The following PRKCA variants were observed in gnomAD, a reference collection of about 807,000 sequenced individuals.
PRKCA encodes protein kinase C alpha type.
PRKCA carries 27 observed loss-of-function variants against 87.0 expected under a neutral mutation model. The observed-to-expected ratio is 0.31, with a 90% CI of 0.23 to 0.43. PRKCA has a LOEUF of 0.43. PRKCA is among the 20% of genes least tolerant of loss of function. The pLI is 1.00. For synonymous variants in PRKCA, 329 were observed against 311.1 expected (o/e 1.06, Z -0.61); for missense variants, 518 against 852.3 (o/e 0.61, Z 4.88).
Position 66,676,207 on chromosome 17 carries a change from G to A in PRKCA, c.530-10904G>A, listed in dbSNP as rs952470870. Among the ~76,000 whole-genome samples the A allele has an allele frequency of 4.6e-5, 7 of 152,186 alleles. No homozygotes were observed. In the East Asian group the frequency reaches 7.7e-4, roughly 17 times the overall value. Reference sequence around the variant, plus strand: ...GACGCAAACAAACCCTGAGAACAGCGTGTTCTTCCCAGTAACGTGACCGGG... The same window carrying A: ...GACGCAAACAAACCCTGAGAACAGCATGTTCTTCCCAGTAACGTGACCGGG... On this transcript the variant is annotated intron_variant, in intron 5 of 16. Transcript: ENST00000413366.
intron 2 of PRKCA, among the ~76,000 whole-genome samples, chr17:66,346,263 A>AT (rs918179522): frequency 1.8e-4 from 27 of 151,508 alleles, no homozygotes; most frequent in Non-Finnish European, 3.4e-4. Context: ...CGCCTGGCTA[A>AT]TTTTTTTGTG....
At chr17:66,718,453 C>CAGCTAGCT (rs1276138814) in intron 8 of PRKCA, among the ~76,000 whole-genome samples, 2 of 152,334 alleles carry the variant, frequency 1.3e-5, no homozygotes, top group African/African-American at 4.8e-5. Context: ...GCTAGGACTA[C>CAGCTAGCT]AGGTGCACGC....
At chr17:66,561,429 A>G (rs1351158084) in intron 3 of PRKCA, among the ~76,000 whole-genome samples, 2 of 152,220 alleles carry the variant, frequency 1.3e-5, no homozygotes, top group Non-Finnish European at 2.9e-5. Context: ...TGCCTTGATC[A>G]TGCCACTGAG....
At chr17:66,396,261 T>C (rs1035129476) in intron 2 of PRKCA, among the ~76,000 whole-genome samples, 10 of 152,140 alleles carry the variant, frequency 6.6e-5, no homozygotes, top group African/African-American at 2.4e-4. Context: ...AAGGAAGTTT[T>C]GGAAAACATT....
intron 3 of PRKCA, among the ~76,000 whole-genome samples, chr17:66,544,985 A>G (rs1417823171): frequency 6.6e-6 from 1 of 152,248 alleles, no homozygotes; most frequent in African/African-American, 2.4e-5. Context: ...TCACGAAATG[A>G]TAAGTAACTT....
intron 5 of PRKCA, among the ~76,000 whole-genome samples, chr17:66,665,126 G>A (rs1972010494): frequency 6.6e-6 from 1 of 152,174 alleles, no homozygotes; most frequent in Non-Finnish European, 1.5e-5. Context: ...GGATGATACT[G>A]ATAATTACAG....
intron 13 of PRKCA, among the ~76,000 whole-genome samples, chr17:66,746,661 G>A (rs1434945434): frequency 6.6e-6 from 1 of 152,088 alleles, no homozygotes; most frequent in African/African-American, 2.4e-5. Flanking sequence ...CAGCGAAGCC[G>A]AGCTGAGGCA....
intron 14 of PRKCA, 40 bp from the exon 15 acceptor site, chr17:66,786,827 T>C: frequency 6.5e-7 from 1 of 1,549,432 alleles, no homozygotes; most frequent in Middle Eastern, 1.7e-4. Context: ...TGAATTACTC[T>C]GCCTAAATAC....
chr17:66,523,903 T>A (rs1484801025), intron 3 of PRKCA, among the ~76,000 whole-genome samples: 2 of 152,216 alleles, frequency 1.3e-5, no homozygotes, highest in East Asian at 3.9e-4. Context: ...TCTGACTAAT[T>A]ACTATTTATA....
At chr17:66,462,059 C>T (rs1249948313) in intron 2 of PRKCA, among the ~76,000 whole-genome samples, 1 of 152,004 alleles carries the variant, frequency 6.6e-6, no homozygotes, top group East Asian at 1.9e-4. Context: ...AAGATGAGAC[C>T]TTGGTTGTGG....
chr17:66,385,085 C>T (rs1909983328), intron 2 of PRKCA, among the ~76,000 whole-genome samples: 1 of 152,144 alleles, frequency 6.6e-6, no homozygotes, highest in African/African-American at 2.4e-5. Flanking sequence ...TAGGTGTGCT[C>T]CTCTGGGTTG....
rs1909897415 is a variant in PRKCA at position 66,383,721 on chromosome 17, AG to A, written c.205+77595del. On this transcript the variant is annotated intron_variant, in intron 2 of 16. Coordinates refer to ENST00000413366, the MANE Select transcript of PRKCA (RefSeq NM_002737.3). ...CTAAGAAAATTGTCTAGGAGGCCGA[AG>A]TGGGTGGATCACTTGAGGTCAGGAG... Among the ~76,000 whole-genome samples the A allele has an allele frequency of 3.3e-5, 5 of 152,250 alleles. No homozygotes were observed. The South Asian group carries it at 1.0e-3, about 32-fold the overall frequency.
chr17:66,489,067 T>C (rs1333617101), intron 2 of PRKCA, among the ~76,000 whole-genome samples: 1 of 152,030 alleles, frequency 6.6e-6, no homozygotes, highest in Non-Finnish European at 1.5e-5. Context: ...TAGAACCATA[T>C]CACGTGATGG....
At chr17:66,756,639 A>C (rs1424350056) in intron 13 of PRKCA, among the ~76,000 whole-genome samples, 1 of 151,784 alleles carries the variant, frequency 6.6e-6, no homozygotes, top group Non-Finnish European at 1.5e-5. Context: ...AATGATAACC[A>C]GGAGTTTTGT....
At chr17:66,428,815 AAGG>A (rs542788649) in intron 2 of PRKCA, among the ~76,000 whole-genome samples, 95 of 152,242 alleles carry the variant, frequency 6.2e-4, no homozygotes, top group African/African-American at 2.1e-3. Context: ...GAAAATCTTG[AAGG>A]AGAAGGCTGC....
intron 8 of PRKCA, among the ~76,000 whole-genome samples, chr17:66,702,161 T>C (rs1246319082): frequency 6.6e-6 from 1 of 151,980 alleles, no homozygotes; most frequent in Admixed American, 6.6e-5. Context: ...CACACACACA[T>C]ATATACATGT....
intron 2 of PRKCA, among the ~76,000 whole-genome samples, chr17:66,332,269 C>T (rs201932381): frequency 6.7e-6 from 1 of 148,150 alleles, no homozygotes. Flanking sequence ...ACTCTGTTGC[C>T]CAGGCTGGAG....
chr17:66,674,099 G>A (rs75678626), intron 5 of PRKCA, among the ~76,000 whole-genome samples: 1,884 of 152,296 alleles, frequency 0.012, 44 homozygotes, highest in African/African-American at 0.042. Context: ...TCCAATGAGC[G>A]CAGATTTTAT....
intron 2 of PRKCA, among the ~76,000 whole-genome samples, chr17:66,376,522 C>A (rs560134500): frequency 1.6e-4 from 24 of 151,854 alleles, no homozygotes; most frequent in Non-Finnish European, 2.6e-4. Flanking sequence ...GCAGGAGAAT[C>A]GCTTGAACCT....
Sources: gnomAD v4.1 joint callset for allele counts (sites outside exome capture counted in the v4.1 genomes callset) on GRCh38, gnomAD v4.1.1 for gene constraint, MANE v1.5 for transcripts, NCBI Gene and HGNC (gene_info 2026-07-23, HGNC 2026-07-21) for gene names.